Variants in NR3C2 observed in about 807,000 individuals in gnomAD.
NR3C2 encodes nuclear receptor subfamily 3 group C member 2, also known as mineralocorticoid receptor.
NR3C2 carries 15 observed loss-of-function variants against 86.4 expected under a neutral mutation model. The observed-to-expected ratio is 0.17, with a 90% CI of 0.12 to 0.27. The LOEUF (loss-of-function observed/expected upper bound fraction) is 0.27. Ranked by LOEUF, NR3C2 falls within the 10% of genes least tolerant of loss-of-function variation. NR3C2 has a pLI of 1.00. For synonymous variants in NR3C2, 458 were observed against 450.5 expected (o/e 1.02, Z -0.21); for missense variants, 960 against 1,195.6 (o/e 0.80, Z 2.91).
At chr4:148,291,097 G>A (rs547524972) in intron 2 of NR3C2, among the ~76,000 whole-genome samples, 1 of 151,972 alleles carries the variant, frequency 6.6e-6, no homozygotes, top group Admixed American at 6.6e-5. Context: ...CAGCCCTTTA[G>A]ACTGACATCT....
At chr4:148,395,003 G>A (rs1044847503) in intron 2 of NR3C2, among the ~76,000 whole-genome samples, 2 of 151,974 alleles carry the variant, frequency 1.3e-5, no homozygotes, top group African/African-American at 4.8e-5. Flanking sequence ...TCCAGGATTT[G>A]GTGGGTTGGA....
intron 2 of NR3C2, among the ~76,000 whole-genome samples, chr4:148,332,008 C>T (rs1012459856): frequency 6.6e-6 from 1 of 152,086 alleles, no homozygotes; most frequent in African/African-American, 2.4e-5. Context: ...AGAATCATTC[C>T]ATAAACTCTG....
intron 3 of NR3C2, among the ~76,000 whole-genome samples, chr4:148,256,979 G>A (rs1243572231): frequency 6.6e-6 from 1 of 152,204 alleles, no homozygotes; most frequent in Non-Finnish European, 1.5e-5. Context: ...GCAAGCTTTA[G>A]GGTGACACAC....
At chr4:148,274,381 C>T (rs191928634) in intron 2 of NR3C2, among the ~76,000 whole-genome samples, 170 of 152,258 alleles carry the variant, frequency 1.1e-3, no homozygotes, top group Non-Finnish European at 2.1e-3. Context: ...TGGCTCTGTG[C>T]CCCACCCAAA....
At chr4:148,370,485 C>T (rs1746361752) in intron 2 of NR3C2, among the ~76,000 whole-genome samples, 1 of 152,054 alleles carries the variant, frequency 6.6e-6, no homozygotes, top group African/African-American at 2.4e-5. Context: ...ATATAATTAG[C>T]CTTCCTACAT....
chr4:148,266,221 C>T (rs544007317), intron 2 of NR3C2, among the ~76,000 whole-genome samples: 16 of 152,012 alleles, frequency 1.1e-4, no homozygotes, highest in Admixed American at 2.6e-4. Flanking sequence ...TACAGGTGTG[C>T]GCCACCACGC....
chr4:148,435,071 T>C, intron 2 of NR3C2, 33 bp downstream of exon 2: 1 of 1,606,968 alleles, frequency 6.2e-7, no homozygotes, highest in Non-Finnish European at 8.5e-7. Flanking sequence ...TATAAAGCCA[T>C]GACTTCCAAA....
At chr4:148,348,779 T>C (rs1423420534) in intron 2 of NR3C2, among the ~76,000 whole-genome samples, 1 of 152,132 alleles carries the variant, frequency 6.6e-6, no homozygotes, top group African/African-American at 2.4e-5. Flanking sequence ...GTATGTATGG[T>C]CTCAGCTTTT....
chr4:148,163,875 A>G (rs1734769837), intron 4 of NR3C2, among the ~76,000 whole-genome samples: 2 of 152,240 alleles, frequency 1.3e-5, no homozygotes, highest in Admixed American at 6.5e-5. Context: ...TGCAATAACT[A>G]TAAGTAGCAT....
At chr4:148,306,894 A>G (rs1742654430) in intron 2 of NR3C2, among the ~76,000 whole-genome samples, 1 of 152,184 alleles carries the variant, frequency 6.6e-6, no homozygotes, top group African/African-American at 2.4e-5. Flanking sequence ...TTAAAAGATA[A>G]TATTGTTTAC....
intron 2 of NR3C2, among the ~76,000 whole-genome samples, chr4:148,421,177 T>C (rs960915106): frequency 6.6e-6 from 1 of 152,194 alleles, no homozygotes; most frequent in African/African-American, 2.4e-5. Context: ...CTCAACTACC[T>C]TTTTTATAAT....
chr4:148,387,643 G>C (rs935244255), intron 2 of NR3C2, among the ~76,000 whole-genome samples: 36 of 152,120 alleles, frequency 2.4e-4, no homozygotes, highest in African/African-American at 8.7e-4. Flanking sequence ...TTCTGGAGGC[G>C]ATAACAATAT....
At chr4:148,365,043 A>G (rs2884444) in intron 2 of NR3C2, among the ~76,000 whole-genome samples, 1 of 151,962 alleles carries the variant, frequency 6.6e-6, no homozygotes, top group Non-Finnish European at 1.5e-5. Context: ...CATGTGGACA[A>G]TCTGTGGTTG....
At chr4:148,245,376 A>G (rs1428025722) in intron 3 of NR3C2, among the ~76,000 whole-genome samples, 1 of 152,210 alleles carries the variant, frequency 6.6e-6, no homozygotes, top group Non-Finnish European at 1.5e-5. Flanking sequence ...ATGAAATAAA[A>G]TAAGAAACAC....
intron 8 of NR3C2, among the ~76,000 whole-genome samples, chr4:148,091,054 T>TGCCC (rs1172377167): frequency 6.6e-6 from 1 of 152,238 alleles, no homozygotes; most frequent in Non-Finnish European, 1.5e-5. Flanking sequence ...GCGGCTAGGA[T>TGCCC]GCCCACAGGG....
chr4:148,116,104 G>A (rs1333541327), intron 7 of NR3C2, among the ~76,000 whole-genome samples: 1 of 152,116 alleles, frequency 6.6e-6, no homozygotes, highest in Non-Finnish European at 1.5e-5. Flanking sequence ...TAGTTTTTCA[G>A]TATAGATACT....
chr4:148,207,549 C>T (rs1050102604), intron 3 of NR3C2, among the ~76,000 whole-genome samples: 4 of 152,124 alleles, frequency 2.6e-5, no homozygotes, highest in African/African-American at 9.7e-5. Flanking sequence ...AGAGAGGTTC[C>T]TAATGCGATT....
upstream of NR3C2, among the ~76,000 whole-genome samples, chr4:148,443,559 A>G (rs2126677595): frequency 6.6e-6 from 1 of 152,162 alleles, no homozygotes; most frequent in South Asian, 2.1e-4. Context: ...GCCCACCCAA[A>G]TGCTGCAGTT....
chr4:148,305,187 C>G (rs868348325), intron 2 of NR3C2, among the ~76,000 whole-genome samples: 1 of 151,964 alleles, frequency 6.6e-6, no homozygotes, highest in African/African-American at 2.4e-5. Context: ...AGTAGGAAAT[C>G]GTTCATTTTT....
Sources: allele counts gnomAD v4.1 joint callset (sites outside exome capture counted in the v4.1 genomes callset), GRCh38; gene constraint gnomAD v4.1.1; transcripts MANE v1.5; gene names NCBI Gene and HGNC (gene_info 2026-07-23, HGNC 2026-07-21).